Variants in TXLNB observed in about 807,000 individuals in gnomAD.
TXLNB encodes beta-taxilin.
Under a neutral mutation model 57.4 loss-of-function variants are expected in TXLNB, and 37 were observed. The ratio of observed to expected loss-of-function variants is 0.64; its 90% CI spans 0.50 to 0.85. TXLNB has a LOEUF of 0.85. Among genes scored for constraint, TXLNB ranks in the 40% least tolerant of loss-of-function variants. TXLNB has a pLI of 0.00. For missense variants in TXLNB, 848 were observed against 825.6 expected, an observed-to-expected ratio of 1.03 and a Z score of -0.33; for synonymous variants, 302 against 309.6, an observed-to-expected ratio of 0.98 and a Z score of 0.26.
Position 139,288,878 on chromosome 6 carries a change from G to C in TXLNB, c.22C>G (p.Gln8Glu). The change falls in exon 2 of 10, where the codon CAG becomes GAG. Residue 8 changes from glutamine (Q) to glutamate (E), a missense_variant. Coordinates refer to ENST00000358430, the MANE Select transcript of TXLNB (RefSeq NM_153235.4). ...GTTGACTGTCGTTCCGCTGAGAGCTGTTCAGAGTGATTAGCCTCCATCTTG... is the reference window on the plus strand; with the variant it reads ...GTTGACTGTCGTTCCGCTGAGAGCTCTTCAGAGTGATTAGCCTCCATCTTG... The part of the protein sequence containing the change: MEANHSE[Q>E]LSAERQSTPP... 1 of 1,613,102 alleles carries C rather than the reference G, an allele frequency of 6.2e-7. No individual in the cohort carries two copies. The highest frequency in any genetic ancestry group is 1.1e-5 in the South Asian group (1 of 91,076).
Position 139,242,392 on chromosome 6 carries a change from TAACATTA to T in TXLNB, c.*127_*133del. 1.5e-6 allele frequency: 1 copy of T among 672,500 alleles called. No individual in the cohort carries two copies. Among genetic ancestry groups the T allele is most frequent in the Non-Finnish European group, 2.2e-6 (1 of 457,012 alleles). The allele number at this position is 672,500 out of a possible 1,614,324, so 41.7% of individuals were successfully genotyped here. Reference sequence around the variant, plus strand: ...AAAGTCTGAATGAATGTGTTCTGCCTAACATTAAAAAATGTCTTGATCCTAAGTCTCT... The same window carrying T: ...AAAGTCTGAATGAATGTGTTCTGCCTAAAAATGTCTTGATCCTAAGTCTCT... On this transcript the variant is annotated 3_prime_UTR_variant, in exon 10 of 10. Transcript: ENST00000358430.
At chr6:139,316,075 A>T in the TXLNB span, among the ~76,000 whole-genome samples, 3 of 152,334 alleles carry the variant, frequency 2.0e-5, no homozygotes, top group East Asian at 5.8e-4. Context: ...ATTTGGTAAG[A>T]ATATACAGAG....
At chr6:139,268,523 G>A (rs1316989897) in intron 4 of TXLNB, among the ~76,000 whole-genome samples, 4 of 152,048 alleles carry the variant, frequency 2.6e-5, no homozygotes, top group African/African-American at 7.2e-5. Flanking sequence ...TAATCCCTGG[G>A]TCAAAGAAAA....
At chr6:139,176,311 G>GA in the TXLNB span, among the ~76,000 whole-genome samples, 3 of 152,146 alleles carry the variant, frequency 2.0e-5, no homozygotes, top group African/African-American at 7.2e-5. This position sits in a 1 kb window ranked among gnomAD's most constrained non-coding sequence, Gnocchi z 4.5. Context: ...AACAAGTTGA[G>GA]ATTATACTTT....
the TXLNB span, among the ~76,000 whole-genome samples, chr6:139,190,806 T>C: frequency 6.6e-6 from 1 of 152,174 alleles, no homozygotes; most frequent in Non-Finnish European, 1.5e-5. Context: ...TCACAGGTGT[T>C]GAAGGTCCCA....
chr6:139,316,965 T>C, the TXLNB span, among the ~76,000 whole-genome samples: 1 of 152,206 alleles, frequency 6.6e-6, no homozygotes, highest in African/African-American at 2.4e-5. Context: ...GAAAAGGGAA[T>C]TGCAGAAAAG....
chr6:139,163,373 T>TTA, the TXLNB span, among the ~76,000 whole-genome samples: 2 of 149,728 alleles, frequency 1.3e-5, no homozygotes, highest in Non-Finnish European at 3.0e-5. Context: ...TTTTTTTTTT[T>TTA]AAAGGGAGTC....
the TXLNB span, among the ~76,000 whole-genome samples, chr6:139,161,906 A>G: frequency 1.3e-5 from 2 of 152,326 alleles, no homozygotes; most frequent in Middle Eastern, 3.4e-3. Context: ...AGCCCAGGTG[A>G]CTGGTGAATT....
chr6:139,306,008 C>A, the TXLNB span, among the ~76,000 whole-genome samples: 1 of 152,092 alleles, frequency 6.6e-6, no homozygotes, highest in African/African-American at 2.4e-5. Context: ...GAAAATAGCC[C>A]TGATTGTAGC....
chr6:139,224,166 AATC>A, the TXLNB span, among the ~76,000 whole-genome samples: 1 of 151,072 alleles, frequency 6.6e-6, no homozygotes, highest in Admixed American at 6.6e-5. Flanking sequence ...TGAAATTGGA[AATC>A]ATCATTCTCG....
At chr6:139,210,281 C>G in the TXLNB span, among the ~76,000 whole-genome samples, 4 of 152,088 alleles carry the variant, frequency 2.6e-5, no homozygotes, top group Non-Finnish European at 5.9e-5. Flanking sequence ...ACTAGTTCAA[C>G]CACTATGAAA....
chr6:139,231,220 T>C, the TXLNB span, among the ~76,000 whole-genome samples: 3 of 152,212 alleles, frequency 2.0e-5, no homozygotes, highest in Non-Finnish European at 4.4e-5. Context: ...CTGGGTATCA[T>C]TTCTAATAAA....
At chr6:139,270,161 T>G (rs1776721384) in intron 4 of TXLNB, among the ~76,000 whole-genome samples, 1 of 152,220 alleles carries the variant, frequency 6.6e-6, no homozygotes, top group African/African-American at 2.4e-5. Flanking sequence ...GGGAATGGTA[T>G]GCATTTTATC....
At chr6:139,215,042 G>A in the TXLNB span, among the ~76,000 whole-genome samples, 1 of 152,064 alleles carries the variant, frequency 6.6e-6, no homozygotes, top group Non-Finnish European at 1.5e-5. Flanking sequence ...CGTGAAAATG[G>A]CCATACTGCC....
chr6:139,262,054 C>G (rs1776496504), intron 5 of TXLNB, among the ~76,000 whole-genome samples: 1 of 151,582 alleles, frequency 6.6e-6, no homozygotes, highest in Non-Finnish European at 1.5e-5. Flanking sequence ...CAGGCGCCCA[C>G]CACCACGCCT....
the TXLNB span, among the ~76,000 whole-genome samples, chr6:139,222,825 C>G: frequency 4.4e-3 from 664 of 152,132 alleles, 4 homozygotes; most frequent in African/African-American, 0.015. Context: ...ACAACAATAA[C>G]AACAAAAACA....
chr6:139,276,924 T>A lies in TXLNB; in HGVS notation c.425-3A>T. The A allele has an allele frequency of 7.1e-7, 1 of 1,415,832 alleles. No homozygotes were observed. Among genetic ancestry groups the A allele is most frequent in the East Asian group, 2.7e-5 (1 of 37,606 alleles). The allele number at this position is 1,415,832 out of a possible 1,614,324, so 87.7% of individuals were successfully genotyped here. On this transcript the variant is annotated splice_region_variant and splice_polypyrimidine_tract_variant and intron_variant, in intron 2 of 9. Transcript: ENST00000358430. ...CATTAGCAGGTTGGCTTCTTTGCCT[T>A]AAAAAAAAAAGACATGAAAAAAATA...
At chr6:139,284,098 C>G (rs6913005) in intron 2 of TXLNB, among the ~76,000 whole-genome samples, 33,541 of 144,964 alleles carry the variant, frequency 0.23, 8,213 homozygotes, top group African/African-American at 0.47. Context: ...CCTGTTCCTG[C>G]TCTTGCACTT....
chr6:139,320,742 C>G, the TXLNB span, among the ~76,000 whole-genome samples: 2 of 152,056 alleles, frequency 1.3e-5, no homozygotes, highest in Non-Finnish European at 2.9e-5. Flanking sequence ...TCAAGACTTT[C>G]TAGCTCTGCA....
Sources: gnomAD v4.1 joint callset for allele counts (sites outside exome capture counted in the v4.1 genomes callset) on GRCh38, gnomAD v4.1.1 for gene constraint, Gnocchi (gnomAD v3.1) non-coding constraint, MANE v1.5 for transcripts, NCBI Gene and HGNC (gene_info 2026-07-23, HGNC 2026-07-21) for gene names.